DST: variants seen among roughly 807,000 people sequenced by gnomAD.
DST encodes dystonin, also known as bullous pemphigoid antigen.
A neutral mutation model predicts 875.2 loss-of-function variants in DST; 253 were observed. That is an observed-to-expected ratio of 0.29 (90% CI 0.26 to 0.32). The LOEUF (loss-of-function observed/expected upper bound fraction) is 0.32. Ranked by LOEUF, DST falls within the 10% of genes least tolerant of loss-of-function variation. The pLI, the probability that DST is intolerant of heterozygous loss-of-function variation, is 1.00. For synonymous variants in DST, 3,124 were observed against 3,197.1 expected, an observed-to-expected ratio of 0.98 and a Z score of 0.77; for missense variants, 8,287 against 9,111.6, an observed-to-expected ratio of 0.91 and a Z score of 3.68.
chr6:56,739,561 C>CAG (rs2099538667), intron 4 of DST, among the ~76,000 whole-genome samples: 1 of 152,074 alleles, frequency 6.6e-6, no homozygotes. Flanking sequence ...AAGCTGAGAC[C>CAG]TACTGGGCTG....
In DST at chr6:56,511,324, A is replaced by G; in HGVS notation, c.18653T>C (p.Leu6218Ser). Residue 6218 changes from leucine to serine, a missense_variant, in exon 73 of 104, where the codon TTG (leucine) becomes TCG (serine). Leu to Ser is a moderately radical substitution (Grantham distance 145). Around this residue, in one of 10 missense-constraint regions of DST, gnomAD observed 1,292 missense variants for 1,552.7 expected, o/e 0.83. Coordinates refer to ENST00000680361, the MANE Select transcript of DST (RefSeq NM_001374736.1). ...MNKTGPQLLE[L>S]SPGEGFSIQE... is the part of the protein sequence containing the mutation. ...GATAGAAAAGCCTTCCCCAGGGCTC[A>G]ATTCCAGTAACTGTGGCCCAGTTTT... 1 of 1,607,954 alleles carries G rather than the reference A, an allele frequency of 6.2e-7. No homozygotes were observed. Among genetic ancestry groups the G allele is most frequent in the Non-Finnish European group, 8.5e-7 (1 of 1,177,064 alleles).
intron 2 of DST, among the ~76,000 whole-genome samples, chr6:56,903,883 T>C (rs868168736): frequency 6.6e-6 from 1 of 152,236 alleles, no homozygotes; most frequent in South Asian, 2.1e-4. Flanking sequence ...TTACTTGTAC[T>C]ATTTTAAAAT....
intron 9 of DST, among the ~76,000 whole-genome samples, chr6:56,693,989 A>T (rs2099248107): frequency 6.6e-6 from 1 of 150,922 alleles, no homozygotes; most frequent in South Asian, 2.1e-4. Context: ...TAGATAAATT[A>T]TATAATTTAA....
Position 56,639,300 on chromosome 6 carries a change from G to T in DST, c.2923C>A (p.Gln975Lys), listed in dbSNP as rs763180761. 11 of 1,613,764 alleles carry T rather than the reference G, an allele frequency of 6.8e-6. No homozygotes were observed. The highest frequency in any genetic ancestry group is 8.5e-6 in the Non-Finnish European group (10 of 1,179,824). ...GCTGGATGATTTTCTAGAAGTAGCT[G>T]CTCTGCTATCTCCTGAACTGATTTA... is the stretch of plus-strand genomic sequence containing the variant. ...NIKSVQEIAEQLLLENHPARL... is the reference protein window; with the variant it reads ...NIKSVQEIAEKLLLENHPARL... Residue 975 changes from glutamine to lysine, a missense_variant, in exon 22 of 104, where the codon CAG becomes AAG. Around this residue, in one of 10 missense-constraint regions of DST, gnomAD observed 1,160 missense variants for 1,424.3 expected, o/e 0.81. Coordinates refer to ENST00000680361, the MANE Select transcript of DST (RefSeq NM_001374736.1).
In DST at chr6:56,607,102, G is replaced by A. The variant is rs770507761; in HGVS notation, c.7526C>T (p.Ser2509Phe). 1 of 1,613,046 alleles carries A rather than the reference G, an allele frequency of 6.2e-7. No homozygotes were observed. The highest frequency in any genetic ancestry group is 1.3e-5 in the African/African-American group (1 of 74,880). ...AGGATTACTAGAAATCATATTTAAAGATTTCTGTCCATACTGCTCTCCTGG... is the reference window on the plus strand; with the variant it reads ...AGGATTACTAGAAATCATATTTAAAAATTTCTGTCCATACTGCTCTCCTGG... The part of the protein sequence containing the change: ...SLPGEQYGQK[S>F]LNMISSNPQV... Residue 2509 changes from serine to phenylalanine, a missense_variant, in exon 40 of 104, where the codon TCT becomes TTT. Around this residue, in one of 10 missense-constraint regions of DST, gnomAD observed 3,138 missense variants for 3,116.6 expected, o/e 1.01. Coordinates refer to ENST00000680361, the MANE Select transcript of DST (RefSeq NM_001374736.1).
intron 95 of DST, among the ~76,000 whole-genome samples, 162 bp from the exon 96 acceptor site, chr6:56,470,444 TTATA>T (rs2094827245): frequency 6.6e-6 from 1 of 152,074 alleles, no homozygotes; most frequent in Admixed American, 6.6e-5. Context: ...AAATGAAGAG[TTATA>T]TATAATCTTA....
At position 56,635,691 on chromosome 6, in the gene DST, A is replaced by G; in HGVS notation, c.3084T>C (p.Ala1028=). 2.5e-6 allele frequency: 4 copies of G among 1,613,902 alleles called. No homozygotes were observed. The highest frequency in any genetic ancestry group is 3.4e-6 in the Non-Finnish European group (4 of 1,179,912). The change falls in exon 24 of 104, where the codon GCT becomes GCC. Residue 1028 remains alanine (A), a synonymous_variant. Coordinates refer to ENST00000680361, the MANE Select transcript of DST (RefSeq NM_001374736.1). ...YFEFFNDAKE[A]TDYLRNLKDA... ...CTTTTAGATTCCTTAAGTAATCAGT[A>G]GCTTCTTTGGCATCATTGAAAAACT... is the stretch of plus-strand genomic sequence containing the variant.
Position 56,620,014 on chromosome 6 carries a change from G to A in DST, c.4929+4516C>T, listed in dbSNP as rs768554069. The A allele has an allele frequency of 8.7e-6, 14 of 1,614,070 alleles. No homozygotes were observed. Among genetic ancestry groups the A allele is most frequent in the Non-Finnish European group, 1.2e-5 (14 of 1,180,016 alleles). On this transcript the variant is annotated intron_variant, in intron 36 of 103. Coordinates refer to ENST00000680361, the MANE Select transcript of DST (RefSeq NM_001374736.1). ...CTGCCCTGCATGATGTAGCCTGTGT[G>A]ATCGGACACACTGGCAATGCATTTT...
chr6:56,463,083 G>C lies in DST; in HGVS notation c.23033C>G (p.Ala7678Gly), dbSNP rs1303614135. The change falls in exon 102 of 104, where the codon GCA (alanine) becomes GGA (glycine). Residue 7678 changes from alanine (A) to glycine (G), a missense_variant. Physicochemically the swap from Ala to Gly is moderately conservative, Grantham distance 60. Coordinates refer to ENST00000680361, the MANE Select transcript of DST (RefSeq NM_001374736.1). ...CACGGGAAAGTCTGAGCACTCTGCTGCTTTACAAGGAGTTGACATTTTGCT... is the reference window on the plus strand; with the variant it reads ...CACGGGAAAGTCTGAGCACTCTGCTCCTTTACAAGGAGTTGACATTTTGCT... The part of the protein sequence containing the change: ...TNSKMSTPCK[A>G]AECSDFPVPS... 2 of 1,613,628 alleles carry C rather than the reference G, an allele frequency of 1.2e-6. No individual in the cohort carries two copies. The highest frequency in any genetic ancestry group is 1.7e-5 in the Admixed American group (1 of 60,008).
intron 2 of DST, among the ~76,000 whole-genome samples, chr6:56,944,470 T>C (rs768113881): frequency 6.6e-6 from 1 of 152,222 alleles, no homozygotes; most frequent in African/African-American, 2.4e-5. Flanking sequence ...TTTTTTTGTT[T>C]TGAGTATTTT....
chr6:56,465,866 G>GT (rs1491340626), intron 99 of DST, among the ~76,000 whole-genome samples: 3 of 50,202 alleles, frequency 6.0e-5, no homozygotes, highest in South Asian at 5.5e-4. Context: ...TCCAGAAAAA[G>GT]TAAAAAAAAA....
intron 4 of DST, among the ~76,000 whole-genome samples, chr6:56,791,373 G>C (rs1004525415): frequency 1.3e-5 from 2 of 152,162 alleles, no homozygotes; most frequent in African/African-American, 4.8e-5. Context: ...CAGTAATGTT[G>C]TGAACCAGAG....
At chr6:56,952,793 C>T (rs1162500542) in intron 2 of DST, among the ~76,000 whole-genome samples, 1 of 152,058 alleles carries the variant, frequency 6.6e-6, no homozygotes. Flanking sequence ...GGAATGGAAC[C>T]TCTGATTACC....
At chr6:56,630,090 C>G (rs2098765427) in intron 31 of DST, among the ~76,000 whole-genome samples, 155 bp downstream of exon 31, 1 of 152,146 alleles carries the variant, frequency 6.6e-6, no homozygotes. Flanking sequence ...AATGACTGAA[C>G]ATACTTAGAG....
At chr6:56,601,342 C>A in intron 44 of DST, 101 bp downstream of exon 44, 1 of 735,706 alleles carries the variant, frequency 1.4e-6, no homozygotes, top group South Asian at 1.9e-5. Context: ...CCATTAATGC[C>A]TTTCCAGAAA....
At chr6:56,862,190 G>A (rs1771563805) in intron 3 of DST, among the ~76,000 whole-genome samples, 1 of 151,898 alleles carries the variant, frequency 6.6e-6, no homozygotes, top group Non-Finnish European at 1.5e-5. Context: ...TCTCTCTCTC[G>A]CACACACACA....
chr6:56,954,614 A>ACGGC lies in DST; in HGVS notation c.-31_-28dup. ...GTGCGGGCGAGGCGAGGGCGACTCG[A>ACGGC]CGGCGGGGCTGGAGGGCGGCGGCAC... On this transcript the variant is annotated 5_prime_UTR_variant, in exon 1 of 104. Coordinates refer to ENST00000680361, the MANE Select transcript of DST (RefSeq NM_001374736.1). The ACGGC allele has an allele frequency of 7.6e-7, 1 of 1,318,818 alleles. No individual in the cohort carries two copies. Among genetic ancestry groups the ACGGC allele is most frequent in the African/African-American group, 1.5e-5 (1 of 64,916 alleles). 81.7% of individuals were successfully genotyped at this position (1,318,818 alleles called of 1,614,324 possible). A position where few individuals can be genotyped will look rare whatever the true frequency, so the allele number is the denominator to read the frequency against.
intron 22 of DST, among the ~76,000 whole-genome samples, chr6:56,638,542 C>G (rs1440778744): frequency 6.6e-6 from 1 of 152,156 alleles, no homozygotes; most frequent in Non-Finnish European, 1.5e-5. Flanking sequence ...AATATCACAT[C>G]TGACTGCCCA....
chr6:56,642,032 A>T lies in DST; in HGVS notation c.1942T>A (p.Cys648Ser), dbSNP rs1167811465. The T allele has an allele frequency of 1.2e-6, 2 of 1,612,606 alleles. No homozygotes were observed. The highest frequency in any genetic ancestry group is 1.3e-5 in the African/African-American group (1 of 74,910). ...EAEIAGYILE[C>S]ENLLRQHVID... The stretch of plus-strand genomic sequence containing the variant: ...ACATGCTGGCGTAAAAGGTTCTCAC[A>T]TTCAAGTATATACCCAGCAATTTCT... Residue 648 changes from cysteine to serine, a missense_variant, in exon 17 of 104, where the codon TGT (cysteine) becomes AGT (serine). Cys to Ser is a moderately radical substitution (Grantham distance 112, BLOSUM62 -1). Around this residue, in one of 10 missense-constraint regions of DST, gnomAD observed 1,160 missense variants for 1,424.3 expected, o/e 0.81. Coordinates refer to ENST00000680361, the MANE Select transcript of DST (RefSeq NM_001374736.1).
Sources: allele counts gnomAD v4.1 joint callset (sites outside exome capture counted in the v4.1 genomes callset), GRCh38; gene constraint gnomAD v4.1.1; regional missense constraint gnomAD v4.1.1; transcripts MANE v1.5; gene names NCBI Gene and HGNC (gene_info 2026-07-23, HGNC 2026-07-21).